Variants in ADGRB3 observed in about 807,000 individuals in gnomAD.
ADGRB3 encodes adhesion G protein-coupled receptor B3.
In ADGRB3, 37 loss-of-function variants were observed where a neutral mutation model predicts 193.4. That is an observed-to-expected ratio of 0.19 (90% confidence interval 0.15 to 0.25). The LOEUF is 0.25. Ranked by LOEUF, ADGRB3 falls within the 10% of genes least tolerant of loss-of-function variation. The pLI, the probability that ADGRB3 is intolerant of heterozygous loss-of-function variation, is 1.00. For synonymous variants in ADGRB3, 690 were observed against 644.2 expected (o/e 1.07, Z -1.08); for missense variants, 1,637 against 1,852.9 (o/e 0.88, Z 2.14).
chr6:69,238,852 A>T (rs2127260270), intron 19 of ADGRB3, among the ~76,000 whole-genome samples: 1 of 152,086 alleles, frequency 6.6e-6, no homozygotes, highest in African/African-American at 2.4e-5. Context: ...ACAGATGGGC[A>T]ACTTAGGCTC....
chr6:69,351,181 C>A (rs545049651), intron 26 of ADGRB3, among the ~76,000 whole-genome samples: 19 of 151,806 alleles, frequency 1.3e-4, no homozygotes, highest in African/African-American at 4.6e-4. Context: ...GCAACCTTCG[C>A]CTCCCGAGTT....
chr6:69,246,402 A>G (rs1218975204), intron 20 of ADGRB3, among the ~76,000 whole-genome samples: 1 of 152,222 alleles, frequency 6.6e-6, no homozygotes, highest in African/African-American at 2.4e-5. Context: ...GTTTTGAAGT[A>G]TCTTACTAAC....
chr6:68,835,056 G>T (rs888235364), intron 3 of ADGRB3, among the ~76,000 whole-genome samples: 2 of 152,052 alleles, frequency 1.3e-5, no homozygotes, highest in Non-Finnish European at 2.9e-5. Context: ...CACTATTAGA[G>T]GAGAATTGTA....
chr6:69,214,620 T>C (rs560931819), intron 17 of ADGRB3, among the ~76,000 whole-genome samples: 1 of 152,052 alleles, frequency 6.6e-6, no homozygotes, highest in African/African-American at 2.4e-5. Flanking sequence ...GAGCAGAGTC[T>C]TGTTGGACTG....
At chr6:69,274,543 C>G (rs1767254907) in intron 20 of ADGRB3, among the ~76,000 whole-genome samples, 1 of 130,660 alleles carries the variant, frequency 7.7e-6, no homozygotes, top group Non-Finnish European at 1.6e-5. Flanking sequence ...TTCCTTCTTT[C>G]CTTCCTTCCC....
At chr6:69,211,311 AG>A (rs1272792720) in intron 17 of ADGRB3, among the ~76,000 whole-genome samples, 1 of 152,152 alleles carries the variant, frequency 6.6e-6, no homozygotes, top group Non-Finnish European at 1.5e-5. Flanking sequence ...AATAAAAGAA[AG>A]GGAATCTATA....
At chr6:68,863,451 T>C (rs566419101) in intron 3 of ADGRB3, among the ~76,000 whole-genome samples, 30 of 152,164 alleles carry the variant, frequency 2.0e-4, no homozygotes, top group African/African-American at 7.0e-4. Flanking sequence ...ATACATTTTA[T>C]TAAAATAATC....
chr6:68,735,661 C>G (rs958530904), intron 3 of ADGRB3, among the ~76,000 whole-genome samples: 7 of 151,964 alleles, frequency 4.6e-5, no homozygotes, highest in African/African-American at 1.7e-4. Flanking sequence ...TGCTTTTAAA[C>G]TGAATAACCC....
chr6:68,932,846 A>G (rs867249469), intron 4 of ADGRB3, among the ~76,000 whole-genome samples: 56 of 149,376 alleles, frequency 3.7e-4, no homozygotes, highest in African/African-American at 1.3e-3. Context: ...ATCATGGAGA[A>G]AAAAGCAAAG....
intron 3 of ADGRB3, among the ~76,000 whole-genome samples, chr6:68,820,223 C>T (rs1421135320): frequency 6.6e-6 from 1 of 151,946 alleles, no homozygotes; most frequent in Non-Finnish European, 1.5e-5. Flanking sequence ...CTTTACAAAA[C>T]TCTCCTTCCA....
At chr6:69,339,143 C>G in intron 25 of ADGRB3, 129 bp downstream of exon 25, 1 of 1,132,138 alleles carries the variant, frequency 8.8e-7, no homozygotes, top group South Asian at 1.6e-5. Flanking sequence ...TTATAATTGG[C>G]AACTGTCTTT....
At chr6:69,383,849 G>A (rs59392967) in intron 31 of ADGRB3, among the ~76,000 whole-genome samples, 12,257 of 151,962 alleles carry the variant, frequency 0.081, 1,551 homozygotes, top group African/African-American at 0.27. Context: ...GCCCAAATAT[G>A]GGGCTCTTTC....
At position 69,118,914 on chromosome 6, in the gene ADGRB3, C is replaced by T. The variant is rs1435257403; in HGVS notation, c.2480+42876C>T. ...TTGGTAACAATATTCTAAATTTTTC[C>T]TCTTATAATGAAGAGTATATGATAA... On this transcript the variant is annotated intron_variant, in intron 17 of 31. Transcript: ENST00000370598. Among the ~76,000 whole-genome samples, 7 of 151,770 alleles carry T rather than the reference C, an allele frequency of 4.6e-5. 1 individual carries two copies. Among genetic ancestry groups the T allele is most frequent in the Non-Finnish European group, 2.9e-5 (2 of 67,942 alleles).
intron 3 of ADGRB3, among the ~76,000 whole-genome samples, chr6:68,660,564 T>C (rs1768604321): frequency 6.6e-6 from 1 of 151,116 alleles, no homozygotes; most frequent in Non-Finnish European, 1.5e-5. Context: ...TCCATCCTTT[T>C]AAAATTTTAC....
Position 69,341,495 on chromosome 6 carries a change from G to A in ADGRB3, c.3459+1991G>A, listed in dbSNP as rs558879806. 5.3e-5 allele frequency among the ~76,000 whole-genome samples: 8 copies of A among 152,284 alleles called. No homozygotes were observed. The South Asian group carries it at 1.7e-3, about 32-fold the overall frequency. ...GAAATTCAATGAAAACCAATTAACA[G>A]TAACTTCACATTGCAAGGGGAGGAG... On this transcript the variant is annotated intron_variant, in intron 26 of 31. Transcript: ENST00000370598.
At chr6:68,724,956 C>G (rs959441959) in intron 3 of ADGRB3, among the ~76,000 whole-genome samples, 5 of 151,600 alleles carry the variant, frequency 3.3e-5, no homozygotes, top group African/African-American at 7.3e-5. Flanking sequence ...TGTTTATAAT[C>G]TGGTCTGTTT....
chr6:68,653,985 A>G (rs1214484576), intron 3 of ADGRB3, among the ~76,000 whole-genome samples: 5 of 151,622 alleles, frequency 3.3e-5, no homozygotes, highest in Non-Finnish European at 7.4e-5. Flanking sequence ...ATGTTGGTCT[A>G]TAGGTTGGAC....
chr6:68,716,484 T>C (rs1483622432), intron 3 of ADGRB3, among the ~76,000 whole-genome samples: 1 of 151,592 alleles, frequency 6.6e-6, no homozygotes, highest in Non-Finnish European at 1.5e-5. Context: ...CCATATTTAT[T>C]TGGACCCGCT....
chr6:68,804,563 A>G (rs532379216), intron 3 of ADGRB3, among the ~76,000 whole-genome samples: 60 of 152,294 alleles, frequency 3.9e-4, no homozygotes, highest in Non-Finnish European at 7.6e-4. Flanking sequence ...GTAATCACTA[A>G]TTATTAATTC....
Sources: gnomAD v4.1 joint callset for allele counts (sites outside exome capture counted in the v4.1 genomes callset) on GRCh38, gnomAD v4.1.1 for gene constraint, MANE v1.5 for transcripts, NCBI Gene and HGNC (gene_info 2026-07-23, HGNC 2026-07-21) for gene names.